The following RBFOX1 variants were observed in gnomAD, a reference collection of about 807,000 sequenced individuals.
RBFOX1 encodes the protein RNA binding fox-1 homolog 1, also known as RNA binding protein fox-1 homolog 1.
In RBFOX1, 8 loss-of-function variants were observed where a neutral mutation model predicts 57.7. The ratio of observed to expected loss-of-function variants is 0.14; its 90% CI spans 0.08 to 0.25. The LOEUF (loss-of-function observed/expected upper bound fraction) is 0.25, where lower values mean the gene tolerates loss of function less well. Ranked by LOEUF, RBFOX1 falls within the 10% of genes least tolerant of loss-of-function variation. RBFOX1 has a pLI of 1.00. For missense variants in RBFOX1, 611 were observed against 548.5 expected (o/e 1.11, Z -1.14); for synonymous variants, 326 against 222.4 (o/e 1.47, Z -4.15).
chr16:6,345,732 C>A (rs541985755), intron 2 of RBFOX1, among the ~76,000 whole-genome samples: 1 of 152,210 alleles, frequency 6.6e-6, no homozygotes, highest in Non-Finnish European at 1.5e-5. Flanking sequence ...CCCATACAAT[C>A]TAAGACTGGT....
intron 3 of RBFOX1, among the ~76,000 whole-genome samples, chr16:5,701,682 C>A (rs2051054230): frequency 6.6e-6 from 1 of 152,124 alleles, no homozygotes; most frequent in African/African-American, 2.4e-5. Flanking sequence ...AATCCGCCTG[C>A]CTTAGCCTCT....
chr16:5,553,959 T>C (rs1458112777), intron 2 of RBFOX1, among the ~76,000 whole-genome samples: 1 of 139,552 alleles, frequency 7.2e-6, no homozygotes, highest in Non-Finnish European at 1.5e-5. Context: ...TACTTTCTTA[T>C]AACACGTATT....
At chr16:7,304,915 G>GGTGTGT (rs59599069) in intron 4 of RBFOX1, among the ~76,000 whole-genome samples, 129 of 140,598 alleles carry the variant, frequency 9.2e-4, no homozygotes, top group Non-Finnish European at 1.2e-3. Flanking sequence ...TGTGTGGTGT[G>GGTGTGT]GTGTGTGTGT....
intron 2 of RBFOX1, among the ~76,000 whole-genome samples, chr16:6,347,685 T>C (rs2085613716): frequency 6.6e-6 from 1 of 152,206 alleles, no homozygotes; most frequent in Admixed American, 6.5e-5. Context: ...ACAATTATTA[T>C]ATCCTATGTT....
chr16:6,906,462 G>A (rs1327048180), intron 3 of RBFOX1, among the ~76,000 whole-genome samples: 2 of 152,062 alleles, frequency 1.3e-5, no homozygotes, highest in African/African-American at 4.8e-5. Flanking sequence ...ACTTTATTTT[G>A]AAATAATTTG....
chr16:6,712,565 G>C (rs2063912752), intron 3 of RBFOX1, among the ~76,000 whole-genome samples: 1 of 152,034 alleles, frequency 6.6e-6, no homozygotes, highest in Non-Finnish European at 1.5e-5. Context: ...CAACACCCAA[G>C]CTTCAGTCCA....
chr16:5,265,126 AG>A (rs1172915998), intron 1 of RBFOX1, among the ~76,000 whole-genome samples: 2 of 152,232 alleles, frequency 1.3e-5, no homozygotes, highest in Non-Finnish European at 2.9e-5. Context: ...TTTATAAAAT[AG>A]AAAAAATCTG....
chr16:7,021,492 AATATTTTATATAAATATT>A (rs1247708115), intron 3 of RBFOX1, among the ~76,000 whole-genome samples: 10 of 145,490 alleles, frequency 6.9e-5, no homozygotes, highest in African/African-American at 2.2e-4. Context: ...ATTTTATATT[AATATTTTATATAAATATT>A]ATATTTTATA....
intron 4 of RBFOX1, among the ~76,000 whole-genome samples, chr16:7,395,282 C>G (rs2098122363): frequency 6.6e-6 from 1 of 152,100 alleles, no homozygotes; most frequent in African/African-American, 2.4e-5. Context: ...CCCCAACACA[C>G]CTGTCATCAG....
At chr16:7,574,637 G>A (rs772764883) in intron 5 of RBFOX1, among the ~76,000 whole-genome samples, 1 of 152,102 alleles carries the variant, frequency 6.6e-6, no homozygotes, top group African/African-American at 2.4e-5. Flanking sequence ...TTTATCCTAG[G>A]CGTGTTGGCA....
intron 2 of RBFOX1, among the ~76,000 whole-genome samples, chr16:6,652,822 A>T (rs888951078): frequency 6.6e-6 from 1 of 152,010 alleles, no homozygotes; most frequent in African/African-American, 2.4e-5. Flanking sequence ...AATTCTGGAG[A>T]TGGAGGGTGG....
At chr16:7,121,307 A>T (rs2067130784) in intron 4 of RBFOX1, among the ~76,000 whole-genome samples, 1 of 152,142 alleles carries the variant, frequency 6.6e-6, no homozygotes. Flanking sequence ...TCGGTTGGAA[A>T]TTAATATATA....
chr16:6,160,011 T>C (rs1042662155), intron 1 of RBFOX1, among the ~76,000 whole-genome samples: 2 of 152,158 alleles, frequency 1.3e-5, no homozygotes, highest in African/African-American at 4.8e-5. Flanking sequence ...CACAGGTCAA[T>C]AGAATATACC....
intron 1 of RBFOX1, among the ~76,000 whole-genome samples, chr16:5,446,601 C>T (rs1272863894): frequency 6.6e-6 from 1 of 152,040 alleles, no homozygotes; most frequent in Non-Finnish European, 1.5e-5. Flanking sequence ...GTGGCTTGAT[C>T]CGATTTGTAC....
chr16:6,542,373 A>G (rs2096832853), intron 2 of RBFOX1, among the ~76,000 whole-genome samples: 1 of 150,746 alleles, frequency 6.6e-6, no homozygotes, highest in Admixed American at 6.6e-5. Context: ...AGGCAGGTGT[A>G]CTGGAGGGTT....
At chr16:5,748,052 C>G (rs1038364212) in intron 3 of RBFOX1, among the ~76,000 whole-genome samples, 1 of 152,172 alleles carries the variant, frequency 6.6e-6, no homozygotes, top group African/African-American at 2.4e-5. Context: ...TTAAATGTGT[C>G]CCAGATATTC....
chr16:5,943,833 C>T (rs2059331357), intron 4 of RBFOX1, among the ~76,000 whole-genome samples: 1 of 152,100 alleles, frequency 6.6e-6, no homozygotes, highest in African/African-American at 2.4e-5. Context: ...ATCCATCGAC[C>T]CACCCATTTA....
At chr16:6,551,674 C>T (rs532642261) in intron 2 of RBFOX1, among the ~76,000 whole-genome samples, 2 of 152,126 alleles carry the variant, frequency 1.3e-5, no homozygotes, top group South Asian at 4.1e-4. Context: ...GCTAATATAG[C>T]TACAGATAAG....
intron 1 of RBFOX1, among the ~76,000 whole-genome samples, chr16:6,198,096 C>G (rs1416412808): frequency 2.0e-5 from 3 of 152,102 alleles, no homozygotes; most frequent in Non-Finnish European, 4.4e-5. Context: ...TACATATTCA[C>G]CTGGTCCTGT....
Sources: allele counts gnomAD v4.1 joint callset (sites outside exome capture counted in the v4.1 genomes callset), GRCh38; gene constraint gnomAD v4.1.1; transcripts MANE v1.5; gene names NCBI Gene and HGNC (gene_info 2026-07-23, HGNC 2026-07-21).